Variants in PNPLA7 observed in about 807,000 individuals in gnomAD.
PNPLA7 encodes patatin like domain 7, lysophospholipase.
A neutral mutation model predicts 161.7 loss-of-function variants in PNPLA7; 153 were observed. The ratio of observed to expected loss-of-function variants is 0.95; its 90% CI spans 0.83 to 1.08. The LOEUF is 1.08. Ranked by LOEUF, PNPLA7 falls within the 50% of genes least tolerant of loss-of-function variation. The probability of loss-of-function intolerance (pLI) is 0.00; values close to 1 mark genes in which losing one functional copy is unlikely to be tolerated. For synonymous variants in PNPLA7, 809 were observed against 782.1 expected (o/e 1.03, Z -0.57); for missense variants, 1,739 against 1,856.6 (o/e 0.94, Z 1.16).
At position 137,476,744 on chromosome 9, in the gene PNPLA7, C is replaced by T. The variant is rs1411753669; in HGVS notation, c.2882+1290G>A. The stretch of plus-strand genomic sequence containing the variant: ...CTGATGTGGCCTGGGCTCAACTGCT[C>T]CAAGTCCCTGCACTGTCCCAGACCC... On this transcript the variant is annotated intron_variant, in intron 25 of 34. Coordinates refer to ENST00000406427, the MANE Select transcript of PNPLA7 (RefSeq NM_001098537.3). This position sits in a 1 kb window ranked among gnomAD's most constrained non-coding sequence, Gnocchi z 4.5. Among the ~76,000 whole-genome samples, 1 of 152,208 alleles carries T rather than the reference C, an allele frequency of 6.6e-6. No individual in the cohort carries two copies. Among genetic ancestry groups the T allele is most frequent in the African/African-American group, 2.4e-5 (1 of 41,456 alleles).
intron 11 of PNPLA7, among the ~76,000 whole-genome samples, chr9:137,518,014 C>T (rs146860482): frequency 1.7e-5 from 2 of 119,738 alleles, no homozygotes; most frequent in African/African-American, 3.7e-5. Context: ...ACTCCATCCC[C>T]CACTCACTCA....
At position 137,541,412 on chromosome 9, in the gene PNPLA7, C is replaced by A. The variant is rs1202589209; in HGVS notation, c.667-690G>T. 3 of 985,270 alleles carry A rather than the reference C, an allele frequency of 3.0e-6. No homozygotes were observed. The highest frequency in any genetic ancestry group is 2.4e-6 in the Non-Finnish European group (2 of 829,904). 61.0% of individuals were successfully genotyped at this position (985,270 alleles called of 1,614,324 possible). ...TCAAGTCCAGCCACAGACAAAGCGACAAACCTGAGAACCAAATAATTTGCC... is the reference window on the plus strand; with the variant it reads ...TCAAGTCCAGCCACAGACAAAGCGAAAAACCTGAGAACCAAATAATTTGCC... On this transcript the variant is annotated intron_variant, in intron 7 of 34. Transcript: ENST00000406427. This position sits in a 1 kb window ranked among gnomAD's most constrained non-coding sequence, Gnocchi z 4.4.
At chr9:137,462,636 T>TGCAGGGAGGAGCA in intron 30 of PNPLA7, 49 bp downstream of exon 30, 3 of 1,600,348 alleles carry the variant, frequency 1.9e-6, no homozygotes, top group Non-Finnish European at 2.6e-6. Flanking sequence ...GGTGTGGAGC[T>TGCAGGGAGGAGCA]GCAGGGAGGA....
Position 137,471,729 on chromosome 9 carries a change from G to A in PNPLA7, c.2883-4256C>T, listed in dbSNP as rs1831716684. ...CAAATCATGGCTGATCATAACTACA[G>A]AAGGCCTAAGTACATGGGGAGATCT... On this transcript the variant is annotated intron_variant, in intron 25 of 34. Transcript: ENST00000406427. Among the ~76,000 whole-genome samples, 3 of 151,838 alleles carry A rather than the reference G, an allele frequency of 2.0e-5. 1 individual carries two copies. The highest frequency in any genetic ancestry group is 6.6e-5 in the Admixed American group (1 of 15,196).
intron 11 of PNPLA7, among the ~76,000 whole-genome samples, chr9:137,518,700 CTGCT>C (rs1192512997): frequency 4.5e-5 from 4 of 89,680 alleles, no homozygotes; most frequent in Non-Finnish European, 2.3e-5. Flanking sequence ...TCACTCCACT[CTGCT>C]CACTCCATCC....
chr9:137,488,197 C>T (rs1425039492), intron 20 of PNPLA7, among the ~76,000 whole-genome samples: 1 of 152,334 alleles, frequency 6.6e-6, no homozygotes, highest in African/African-American at 2.4e-5. Context: ...TCCCGAGCTT[C>T]GGCCCGAACG....
intron 12 of PNPLA7, among the ~76,000 whole-genome samples, chr9:137,514,305 G>A (rs1241846907): frequency 7.0e-6 from 1 of 142,742 alleles, no homozygotes; most frequent in African/African-American, 2.8e-5. Flanking sequence ...GGCTGTGGGC[G>A]GGTCACCTGA....
Position 137,495,014 on chromosome 9 carries a change from T to C in PNPLA7, c.2127+19A>G. 1 of 1,593,918 alleles carries C rather than the reference T, an allele frequency of 6.3e-7. No individual in the cohort carries two copies. The highest frequency in any genetic ancestry group is 1.7e-5 in the Admixed American group (1 of 59,558). On this transcript the variant is annotated intron_variant, in intron 19 of 34. Transcript: ENST00000406427. ...CCACACCCTCATCCGCTCCGCATCC[T>C]CACCCACGCCATGCTCACCTGTGGG...
intron 27 of PNPLA7, 23 bp downstream of exon 27, chr9:137,464,317 G>A: frequency 1.2e-6 from 2 of 1,609,458 alleles, no homozygotes; most frequent in Non-Finnish European, 1.7e-6. Context: ...GGGCTGCATG[G>A]GCTCCTGAGG....
At position 137,542,630 on chromosome 9, in the gene PNPLA7, C is replaced by A; in HGVS notation, c.666+12G>T. ...CAGCCGCCTGACCCCGCCCCGCCGC[C>A]CTGCGACTCACAGTGTCCTGGATGC... On this transcript the variant is annotated intron_variant, in intron 7 of 34. Transcript: ENST00000406427. The A allele has an allele frequency of 6.3e-7, 1 of 1,579,356 alleles. No individual in the cohort carries two copies. The highest frequency in any genetic ancestry group is 8.6e-7 in the Non-Finnish European group (1 of 1,156,498).
intron 23 of PNPLA7, 112 bp from the exon 24 acceptor site, chr9:137,479,350 T>G: frequency 2.2e-6 from 3 of 1,364,928 alleles, no homozygotes; most frequent in Non-Finnish European, 2.8e-6. Context: ...GAGCAGCTCC[T>G]GGGTTCTGCA....
In PNPLA7 at chr9:137,480,512, C is replaced by T. The variant is rs763042028; in HGVS notation, c.2412-32G>A. ...CACGCAGAGGGAGTACCTCACTACT[C>T]CGCAGGGGCCTGGCACTCTTAGCAC... is the stretch of plus-strand genomic sequence containing the variant. On this transcript the variant is annotated intron_variant, in intron 22 of 34. Coordinates refer to ENST00000406427, the MANE Select transcript of PNPLA7 (RefSeq NM_001098537.3). The T allele has an allele frequency of 1.0e-5, 16 of 1,579,312 alleles. No homozygotes were observed. In the South Asian group the frequency reaches 1.8e-4, roughly 18 times the overall value.
intron 1 of PNPLA7, among the ~76,000 whole-genome samples, chr9:137,549,051 G>GC (rs1836699735): frequency 1.3e-5 from 2 of 152,382 alleles, no homozygotes; most frequent in Non-Finnish European, 2.9e-5. Flanking sequence ...TCACGCGATG[G>GC]CCCGTGACCT....
chr9:137,517,234 A>C (rs1834643880), intron 11 of PNPLA7, among the ~76,000 whole-genome samples: 1 of 67,832 alleles, frequency 1.5e-5, no homozygotes, highest in Non-Finnish European at 2.8e-5. Context: ...TGTCCACTCC[A>C]TCCCTCACTC....
rs41314459 is a variant in PNPLA7 at position 137,460,490 on chromosome 9, G to A, written c.3946-14C>T. 48,173 of 1,611,692 alleles carry A rather than the reference G, an allele frequency of 0.03. 852 individuals are homozygous for A. Among genetic ancestry groups the A allele is most frequent in the Middle Eastern group, 0.036 (211 of 5,916 alleles). ...GGACTCGTCCTCCTGCAAGCAGACC[G>A]CATGTTCCAGGTGAGGACCAGGCAG... On this transcript the variant is annotated splice_polypyrimidine_tract_variant and intron_variant, in intron 34 of 34. Coordinates refer to ENST00000406427, the MANE Select transcript of PNPLA7 (RefSeq NM_001098537.3).
chr9:137,487,730 C>T (rs920223113), intron 20 of PNPLA7, among the ~76,000 whole-genome samples: 1 of 152,242 alleles, frequency 6.6e-6, no homozygotes, highest in African/African-American at 2.4e-5. Flanking sequence ...CACACCGGCA[C>T]GGAACCGGCT....
chr9:137,518,190 C>T (rs1368536315), intron 11 of PNPLA7, among the ~76,000 whole-genome samples: 1 of 133,588 alleles, frequency 7.5e-6, no homozygotes, highest in Non-Finnish European at 1.6e-5. Flanking sequence ...CCATCCCCCA[C>T]TCACTCACTC....
intron 11 of PNPLA7, among the ~76,000 whole-genome samples, chr9:137,517,678 T>C (rs201365424): frequency 1.2e-4 from 4 of 34,736 alleles, no homozygotes; most frequent in Admixed American, 8.1e-4. Context: ...ACTCCATCCC[T>C]CACTCACTCA....
intron 25 of PNPLA7, among the ~76,000 whole-genome samples, chr9:137,475,510 G>A (rs1317689089): frequency 6.6e-6 from 1 of 152,042 alleles, no homozygotes; most frequent in Non-Finnish European, 1.5e-5. Flanking sequence ...GAGTAGCTGC[G>A]ACTACAGGCG....
Sources: gnomAD v4.1 joint callset for allele counts (sites outside exome capture counted in the v4.1 genomes callset) on GRCh38, gnomAD v4.1.1 for gene constraint, Gnocchi (gnomAD v3.1) non-coding constraint, MANE v1.5 for transcripts, NCBI Gene and HGNC (gene_info 2026-07-23, HGNC 2026-07-21) for gene names.